GOLPH3L: variants seen among roughly 807,000 people sequenced by gnomAD.
The protein encoded by GOLPH3L is Golgi phosphoprotein 3-like.
In GOLPH3L, 22 loss-of-function variants were observed where a neutral mutation model predicts 30.3. The observed-to-expected ratio is 0.73, with a 90% confidence interval of 0.52 to 1.04. GOLPH3L has a LOEUF of 1.04. Among genes scored for constraint, GOLPH3L ranks in the 50% least tolerant of loss-of-function variants. GOLPH3L has a pLI of 0.00. For missense variants in GOLPH3L, 303 were observed against 345.8 expected (o/e 0.88, Z 0.98); for synonymous variants, 120 against 128.2 (o/e 0.94, Z 0.43).
At chr1:150,658,194 T>G (rs1008959655) in intron 4 of GOLPH3L, among the ~76,000 whole-genome samples, 3 of 152,260 alleles carry the variant, frequency 2.0e-5, no homozygotes, top group African/African-American at 7.2e-5. Flanking sequence ...CAACTGTCAT[T>G]AGCAACACCC....
chr1:150,688,129 G>C (rs1651133820), intron 2 of GOLPH3L, among the ~76,000 whole-genome samples: 1 of 152,196 alleles, frequency 6.6e-6, no homozygotes, highest in Non-Finnish European at 1.5e-5. Flanking sequence ...AAGCCTTCCA[G>C]GATGCTGATA....
Position 150,694,858 on chromosome 1 carries a change from G to A in GOLPH3L, c.-12-8C>T, listed in dbSNP as rs764548378. 1 of 1,545,778 alleles carries A rather than the reference G, an allele frequency of 6.5e-7. No homozygotes were observed. The highest frequency in any genetic ancestry group is 1.2e-5 in the South Asian group (1 of 82,074). On this transcript the variant is annotated splice_region_variant and splice_polypyrimidine_tract_variant and intron_variant, in intron 1 of 4. Coordinates refer to ENST00000271732, the MANE Select transcript of GOLPH3L (RefSeq NM_018178.6). ...GGTCATTCTCACCTGTTTCTGGAGG[G>A]AGTGGTGAAAAAAAAAATCCATATG...
chr1:150,652,709 ATTG>A (rs1462142520), intron 4 of GOLPH3L, among the ~76,000 whole-genome samples: 3 of 152,136 alleles, frequency 2.0e-5, no homozygotes, highest in Admixed American at 1.3e-4. Context: ...TATAATTGTT[ATTG>A]TTGAGTTATA....
rs587770110 is a variant in GOLPH3L, at chr1:150,674,377, C to T, written c.184-10614G>A. Among the ~76,000 whole-genome samples the T allele has an allele frequency of 6.6e-5, 10 of 151,798 alleles. 1 individual carries two copies. In the South Asian group the frequency reaches 1.2e-3, roughly 19 times the overall value. On this transcript the variant is annotated intron_variant, in intron 2 of 4. Transcript: ENST00000271732. ...CTGGGCTCAAGCGATTCTCCTGCCT[C>T]GGCCTCCCGAGTAGCTGGGATTACA...
At chr1:150,661,626 A>G (rs889175273) in intron 4 of GOLPH3L, among the ~76,000 whole-genome samples, 188 bp downstream of exon 4, 1 of 152,206 alleles carries the variant, frequency 6.6e-6, no homozygotes, top group African/African-American at 2.4e-5. Context: ...GTGGCAGAAG[A>G]TAAGGTGAAG....
At chr1:150,695,232 G>T (rs1302301168) in intron 1 of GOLPH3L, among the ~76,000 whole-genome samples, 15 of 152,164 alleles carry the variant, frequency 9.9e-5, no homozygotes, top group Non-Finnish European at 1.0e-4. Context: ...CGCTTCCCAG[G>T]TTCAAGTGAT....
At position 150,671,002 on chromosome 1, in the gene GOLPH3L, G is replaced by A. The variant is rs766296925; in HGVS notation, c.184-7239C>T. On this transcript the variant is annotated intron_variant, in intron 2 of 4. Transcript: ENST00000271732. ...AGCCTGTAATCCCAGCACTTTGGGA[G>A]GCCATGGTGGGTGGATCACCTGAGG... is the stretch of plus-strand genomic sequence containing the variant. 6.6e-4 allele frequency among the ~76,000 whole-genome samples: 100 copies of A among 152,298 alleles called. 1 individual carries two copies. Among genetic ancestry groups the A allele is most frequent in the Non-Finnish European group, 1.1e-3 (78 of 68,030 alleles).
intron 4 of GOLPH3L, among the ~76,000 whole-genome samples, chr1:150,650,276 G>T (rs1231940653): frequency 3.5e-5 from 5 of 144,002 alleles, no homozygotes; most frequent in African/African-American, 1.0e-4. Flanking sequence ...AACACACAGG[G>T]AGTTAGGCCA....
In GOLPH3L at chr1:150,666,814, T is replaced by C. The variant is rs141222667; in HGVS notation, c.184-3051A>G. Among the ~76,000 whole-genome samples the C allele has an allele frequency of 2.0e-3, 305 of 152,342 alleles. 1 individual carries two copies. Among genetic ancestry groups the C allele is most frequent in the African/African-American group, 6.9e-3 (288 of 41,580 alleles). The stretch of plus-strand genomic sequence containing the variant: ...TTATTTTATTTCTTTAAAAATGTCA[T>C]ATTTTTAGTCTGATTATTTTAATAT... On this transcript the variant is annotated intron_variant, in intron 2 of 4. Coordinates refer to ENST00000271732, the MANE Select transcript of GOLPH3L (RefSeq NM_018178.6).
intron 2 of GOLPH3L, among the ~76,000 whole-genome samples, chr1:150,677,671 A>G (rs1408696792): frequency 6.7e-6 from 1 of 149,356 alleles, no homozygotes; most frequent in Non-Finnish European, 1.5e-5. Context: ...TCACTCTGTC[A>G]CCCACGCTGG....
chr1:150,684,245 C>G (rs2101814415), intron 2 of GOLPH3L, among the ~76,000 whole-genome samples: 1 of 152,326 alleles, frequency 6.6e-6, no homozygotes, highest in Non-Finnish European at 1.5e-5. Flanking sequence ...GCCACCAAGT[C>G]TGTGGTATTT....
In GOLPH3L at chr1:150,661,934, A is replaced by G; in HGVS notation, c.316-6T>C. On this transcript the variant is annotated splice_region_variant and splice_polypyrimidine_tract_variant and intron_variant, in intron 3 of 4. Transcript: ENST00000271732. ...CTGTCTGACTTTAGCAGTACCTTTG[A>G]GAAAAGGAGAAAGAAGGAACCCTGA... 8.1e-7 allele frequency: 1 copy of G among 1,235,844 alleles called. No homozygotes were observed. Among genetic ancestry groups the G allele is most frequent in the Non-Finnish European group, 1.2e-6 (1 of 834,564 alleles). 76.6% of individuals were successfully genotyped at this position (1,235,844 alleles called of 1,614,324 possible).
In GOLPH3L at chr1:150,683,699, CAAAAAAAAAAAAAAAA is replaced by C. The variant is rs397981524; in HGVS notation, c.183+10941_183+10956del. On this transcript the variant is annotated intron_variant, in intron 2 of 4. Transcript: ENST00000271732. ...TGGGTGACAGAGCGAGACTCTCTCT[CAAAAAAAAAAAAAAAA>C]AAAAAAAAAAAAAAAAAAGAGAGAT... is the stretch of plus-strand genomic sequence containing the variant. 2.3e-3 allele frequency among the ~76,000 whole-genome samples: 34 copies of C among 14,968 alleles called. No homozygotes were observed. The South Asian group carries it at 0.024, about 10-fold the overall frequency. The allele number at this position is 14,968 out of a possible 152,430, so 9.8% of individuals were successfully genotyped here.
chr1:150,673,926 C>CAAAAAAAAAAA (rs71086590), intron 2 of GOLPH3L, among the ~76,000 whole-genome samples: 2 of 98,658 alleles, frequency 2.0e-5, no homozygotes, highest in African/African-American at 4.4e-5. Flanking sequence ...CTCCCATCTC[C>CAAAAAAAAAAA]AAAAAAAAAA....
intron 2 of GOLPH3L, among the ~76,000 whole-genome samples, chr1:150,670,894 T>C (rs916727319): frequency 2.0e-5 from 3 of 152,188 alleles, no homozygotes; most frequent in Admixed American, 6.5e-5. Flanking sequence ...ATTTTATCTA[T>C]CCAAGCCCCT....
At chr1:150,692,617 T>G (rs970924120) in intron 2 of GOLPH3L, among the ~76,000 whole-genome samples, 2 of 152,194 alleles carry the variant, frequency 1.3e-5, no homozygotes, top group African/African-American at 4.8e-5. Flanking sequence ...GGTCTTGAAC[T>G]CCTGGGCCCA....
rs1244320946 is a variant in GOLPH3L at position 150,663,629 on chromosome 1, T to A, written c.315+3A>T. ...CCATGGACGTTCACAGAGGATTCAG[T>A]ACCTTTCTGTCTAGTAGTCGCTTCT... is the stretch of plus-strand genomic sequence containing the variant. On this transcript the variant is annotated splice_donor_region_variant and intron_variant, in intron 3 of 4. Coordinates refer to ENST00000271732, the MANE Select transcript of GOLPH3L (RefSeq NM_018178.6). 2 of 1,610,812 alleles carry A rather than the reference T, an allele frequency of 1.2e-6. No homozygotes were observed. The highest frequency in any genetic ancestry group is 8.5e-7 in the Non-Finnish European group (1 of 1,177,634).
At position 150,696,984 on chromosome 1, in the gene GOLPH3L, T is replaced by A. The variant is rs991828434; in HGVS notation, c.-13+8A>T. 1.3e-5 allele frequency: 2 copies of A among 152,122 alleles called. No individual in the cohort carries two copies. The highest frequency in any genetic ancestry group is 1.5e-5 in the Non-Finnish European group (1 of 68,020). 9.4% of individuals were successfully genotyped at this position (152,122 alleles called of 1,614,324 possible). ...GACGTTAGGAAATGTAATTTTCTCG[T>A]TGCTTACCTGATGTTACTCCTGGGT... On this transcript the variant is annotated splice_region_variant and intron_variant, in intron 1 of 4. Transcript: ENST00000271732.
At chr1:150,673,961 T>C (rs1432331007) in intron 2 of GOLPH3L, among the ~76,000 whole-genome samples, 2 of 150,128 alleles carry the variant, frequency 1.3e-5, no homozygotes, top group African/African-American at 4.9e-5. Flanking sequence ...ATGGAAAACA[T>C]GTCCAGGCTC....
Sources: gnomAD v4.1 joint callset for allele counts (sites outside exome capture counted in the v4.1 genomes callset) on GRCh38, gnomAD v4.1.1 for gene constraint, MANE v1.5 for transcripts, NCBI Gene and HGNC (gene_info 2026-07-23, HGNC 2026-07-21) for gene names.